Variants in LANCL3 observed in about 807,000 individuals in gnomAD.
LANCL3 encodes lanC-like protein 3.
LANCL3 carries 19 observed loss-of-function variants against 26.5 expected under a neutral mutation model. That is an observed-to-expected ratio of 0.72 (90% CI 0.50 to 1.05). LANCL3 has a LOEUF of 1.05. Among genes scored for constraint, LANCL3 ranks in the 50% least tolerant of loss-of-function variants. The pLI, the probability that LANCL3 is intolerant of heterozygous loss-of-function variation, is 0.00. For missense variants in LANCL3, 318 were observed against 362.7 expected (o/e 0.88, Z 1.00); for synonymous variants, 160 against 166.6 (o/e 0.96, Z 0.30).
intron 1 of LANCL3, among the ~76,000 whole-genome samples, chrX:37,602,018 G>A (rs1439213561): frequency 1.8e-5 from 2 of 111,746 alleles, no homozygotes; most frequent in Non-Finnish European, 3.8e-5. Context: ...ATTAAACTTC[G>A]TTCTTAGCAG....
At chrX:37,582,298 G>A (rs1486682708) in intron 1 of LANCL3, among the ~76,000 whole-genome samples, 1 of 111,672 alleles carries the variant, frequency 9.0e-6, no homozygotes, top group Non-Finnish European at 1.9e-5. Context: ...GTGTATACCC[G>A]GTAATGGGAT....
chrX:37,649,620 G>A (rs1450819182), intron 1 of LANCL3, among the ~76,000 whole-genome samples: 1 of 111,854 alleles, frequency 8.9e-6, no homozygotes, highest in Non-Finnish European at 1.9e-5. Context: ...ATAAAATTCA[G>A]TTTCTAATTC....
chrX:37,672,555 T>C (rs1926709347), intron 4 of LANCL3, among the ~76,000 whole-genome samples: 1 of 111,914 alleles, frequency 8.9e-6, no homozygotes, highest in Non-Finnish European at 1.9e-5. Flanking sequence ...AAGGATTGAA[T>C]CTCAGTTCCG....
chrX:37,657,475 C>T lies in LANCL3; in HGVS notation c.697+1664C>T, dbSNP rs1023265050. ...CTCCTGAGCTCAGTTGATCCTCCTG[C>T]CTCAGCCTTCCAAGTAGCTAGGACT... On this transcript the variant is annotated intron_variant, in intron 2 of 4. Transcript: ENST00000378619. 1.8e-4 allele frequency among the ~76,000 whole-genome samples: 20 copies of T among 110,896 alleles called. No homozygotes were observed. In the Admixed American group the frequency reaches 1.9e-3, roughly 11 times the overall value.
chrX:37,573,583 T>C (rs1556416031), intron 1 of LANCL3, among the ~76,000 whole-genome samples: 1 of 111,746 alleles, frequency 8.9e-6, no homozygotes, highest in South Asian at 3.8e-4. Flanking sequence ...CAAAGTTGTC[T>C]TGAAATAGTT....
intron 1 of LANCL3, among the ~76,000 whole-genome samples, chrX:37,635,511 C>T (rs1209767245): frequency 3.6e-5 from 4 of 111,424 alleles, no homozygotes; most frequent in Non-Finnish European, 5.7e-5. Flanking sequence ...ACATTAAAAA[C>T]CATAGGTAAG....
intron 4 of LANCL3, among the ~76,000 whole-genome samples, chrX:37,672,339 T>C (rs1386716742): frequency 9.0e-6 from 1 of 111,717 alleles, no homozygotes; most frequent in African/African-American, 3.3e-5. Flanking sequence ...GGTAGAAGAC[T>C]GGAAATGTGG....
At chrX:37,647,042 T>C (rs1435029912) in intron 1 of LANCL3, among the ~76,000 whole-genome samples, 85 of 112,140 alleles carry the variant, frequency 7.6e-4, no homozygotes, top group African/African-American at 2.6e-3. Flanking sequence ...AGGCTGGGTG[T>C]GGTGGCTCAC....
At chrX:37,638,135 G>C (rs1569467446) in intron 1 of LANCL3, among the ~76,000 whole-genome samples, 1 of 111,666 alleles carries the variant, frequency 9.0e-6, no homozygotes. Flanking sequence ...AAGACTTGTA[G>C]AAAGTGAAAG....
At chrX:37,635,738 C>T (rs1925687249) in intron 1 of LANCL3, among the ~76,000 whole-genome samples, 1 of 110,558 alleles carries the variant, frequency 9.0e-6, no homozygotes, top group Non-Finnish European at 1.9e-5. Flanking sequence ...GATCTGATAA[C>T]TATATTTAAT....
intron 1 of LANCL3, among the ~76,000 whole-genome samples, chrX:37,633,987 G>T (rs782203964): frequency 4.0e-4 from 45 of 112,384 alleles, no homozygotes; most frequent in African/African-American, 1.4e-3. Flanking sequence ...CATTTAAGTC[G>T]GCAGAGGTTA....
At chrX:37,665,331 T>G (rs1926520793) in intron 3 of LANCL3, among the ~76,000 whole-genome samples, 1 of 111,904 alleles carries the variant, frequency 8.9e-6, no homozygotes, top group South Asian at 3.8e-4. Context: ...TTCATGTGGC[T>G]TCTTCCTGCC....
intron 4 of LANCL3, among the ~76,000 whole-genome samples, chrX:37,668,104 A>ATG (rs1161688375): frequency 7.7e-4 from 83 of 107,553 alleles, no homozygotes; most frequent in South Asian, 2.0e-3. Flanking sequence ...ATACATATAT[A>ATG]TGTGTGTGTG....
intron 4 of LANCL3, among the ~76,000 whole-genome samples, chrX:37,674,910 A>G (rs1556436890): frequency 9.0e-6 from 1 of 111,703 alleles, no homozygotes; most frequent in Non-Finnish European, 1.9e-5. Flanking sequence ...GTCAGTAAAA[A>G]AAGATGATGT....
chrX:37,637,159 G>A (rs1556425431), intron 1 of LANCL3, among the ~76,000 whole-genome samples: 1 of 111,758 alleles, frequency 8.9e-6, no homozygotes, highest in Non-Finnish European at 1.9e-5. Context: ...GCAAGAAGCA[G>A]TGCATTTTTG....
chrX:37,663,534 G>T (rs937838135), intron 3 of LANCL3, among the ~76,000 whole-genome samples: 22 of 111,794 alleles, frequency 2.0e-4, no homozygotes, highest in African/African-American at 6.8e-4. Flanking sequence ...TAGAAAAGGA[G>T]CTCAGTCACA....
chrX:37,581,795 A>C (rs1353406583), intron 1 of LANCL3, among the ~76,000 whole-genome samples: 3 of 111,825 alleles, frequency 2.7e-5, no homozygotes, highest in Non-Finnish European at 3.8e-5. Context: ...TAATTTTTTT[A>C]TTATACTTTA....
At chrX:37,619,439 A>G (rs1433773089) in intron 1 of LANCL3, among the ~76,000 whole-genome samples, 2 of 111,375 alleles carry the variant, frequency 1.8e-5, no homozygotes, top group Non-Finnish European at 3.8e-5. Flanking sequence ...AGCAGAGTTC[A>G]TACAACACTG....
Position 37,681,193 on chromosome X carries a change from G to A in LANCL3, c.*5380G>A, listed in dbSNP as rs891660891. On this transcript the variant is annotated 3_prime_UTR_variant, in exon 5 of 5. Transcript: ENST00000378619. ...TACCAAAAAGGTAAAAGAAAAAGAT[G>A]AAATTAATTTTAATAATGTATTTGA... 8.9e-6 allele frequency: 1 copy of A among 112,178 alleles called. No homozygotes were observed. Among genetic ancestry groups the A allele is most frequent in the Non-Finnish European group, 1.9e-5 (1 of 53,202 alleles). 9.2% of individuals were successfully genotyped at this position (112,178 alleles called of 1,213,427 possible).
Sources: allele counts gnomAD v4.1 joint callset (sites outside exome capture counted in the v4.1 genomes callset), GRCh38; gene constraint gnomAD v4.1.1; transcripts MANE v1.5; gene names NCBI Gene and HGNC (gene_info 2026-07-23, HGNC 2026-07-21).